IMMP2L: variants seen among roughly 807,000 people sequenced by gnomAD.
IMMP2L encodes inner mitochondrial membrane peptidase subunit 2.
A neutral mutation model predicts 19.3 loss-of-function variants in IMMP2L; 18 were observed. The observed-to-expected ratio is 0.93, with a 90% CI of 0.64 to 1.38. The LOEUF is 1.38. IMMP2L is among the 40% of genes most tolerant of loss of function. The pLI is 0.00. For missense variants in IMMP2L, 233 were observed against 218.2 expected (o/e 1.07, Z -0.43); for synonymous variants, 76 against 73.0 (o/e 1.04, Z -0.21).
In IMMP2L at chr7:110,972,949, T is replaced by C. The variant is rs569535191; in HGVS notation, c.240-9384A>G. On this transcript the variant is annotated intron_variant, in intron 3 of 5. Transcript: ENST00000405709. ...CTTCCTATGTTTGTCCTTTCCCTTA[T>C]TAGGTTAGCCTGAAAAACTTCTATT... Among the ~76,000 whole-genome samples the C allele has an allele frequency of 1.7e-4, 26 of 152,202 alleles. No homozygotes were observed. In the South Asian group the frequency reaches 3.7e-3, roughly 22 times the overall value.
intron 3 of IMMP2L, among the ~76,000 whole-genome samples, chr7:111,146,891 C>T (rs182938412): frequency 1.3e-5 from 2 of 152,064 alleles, no homozygotes; most frequent in African/African-American, 4.8e-5. Flanking sequence ...TATCCTCCAT[C>T]TCCTAACATT....
At chr7:111,552,739 G>A (rs1790821754) in intron 1 of IMMP2L, among the ~76,000 whole-genome samples, 1 of 152,144 alleles carries the variant, frequency 6.6e-6, no homozygotes, top group Non-Finnish European at 1.5e-5. Flanking sequence ...CTTGCCTCAT[G>A]TCCTTGTGTA....
At chr7:111,453,208 A>T (rs1839379291) in intron 3 of IMMP2L, among the ~76,000 whole-genome samples, 1 of 152,120 alleles carries the variant, frequency 6.6e-6, no homozygotes, top group Non-Finnish European at 1.5e-5. Flanking sequence ...TTCGTAGCTG[A>T]CCTCATTTTT....
chr7:110,977,810 A>G (rs965312509), intron 3 of IMMP2L, among the ~76,000 whole-genome samples: 1 of 151,914 alleles, frequency 6.6e-6, no homozygotes, highest in Admixed American at 6.6e-5. Context: ...AAGATAGTAC[A>G]GATAGATTAA....
At chr7:110,805,556 A>G (rs1666730292) in intron 5 of IMMP2L, among the ~76,000 whole-genome samples, 1 of 152,078 alleles carries the variant, frequency 6.6e-6, no homozygotes, top group Admixed American at 6.6e-5. Context: ...CATTTTTTAA[A>G]ATAACATTAA....
chr7:110,827,411 C>G (rs998565301), intron 5 of IMMP2L, among the ~76,000 whole-genome samples: 1 of 152,134 alleles, frequency 6.6e-6, no homozygotes, highest in Non-Finnish European at 1.5e-5. Flanking sequence ...TTGCTTTGCC[C>G]TCTGGGATTA....
intron 5 of IMMP2L, among the ~76,000 whole-genome samples, chr7:110,670,630 C>T (rs1457417081): frequency 6.8e-6 from 1 of 147,900 alleles, no homozygotes; most frequent in African/African-American, 2.5e-5. Flanking sequence ...TCAGAGGTTG[C>T]AGTGAGCTGA....
chr7:110,873,696 C>T (rs1223335918), intron 5 of IMMP2L, among the ~76,000 whole-genome samples: 1 of 150,908 alleles, frequency 6.6e-6, no homozygotes, highest in African/African-American at 2.4e-5. Context: ...ATCCCTTGAA[C>T]CCAGGAGGCG....
At chr7:110,953,563 T>A (rs1278670620) in intron 4 of IMMP2L, among the ~76,000 whole-genome samples, 1 of 152,148 alleles carries the variant, frequency 6.6e-6, no homozygotes. Context: ...TAATTCAGTC[T>A]ATCATTGATG....
At chr7:110,907,432 A>G (rs566430453) in intron 4 of IMMP2L, among the ~76,000 whole-genome samples, 10 of 152,268 alleles carry the variant, frequency 6.6e-5, no homozygotes, top group African/African-American at 2.4e-4. Context: ...GTCAAACTGT[A>G]GTCTCCAACA....
At chr7:111,446,406 C>G (rs1838422835) in intron 3 of IMMP2L, among the ~76,000 whole-genome samples, 1 of 148,428 alleles carries the variant, frequency 6.7e-6, no homozygotes, top group East Asian at 1.9e-4. Context: ...ACCCCTGACC[C>G]CCGAGCAGCC....
intron 3 of IMMP2L, among the ~76,000 whole-genome samples, chr7:111,403,166 G>A (rs1375687858): frequency 6.6e-6 from 1 of 152,006 alleles, no homozygotes; most frequent in African/African-American, 2.4e-5. Context: ...GGTGGGAGGT[G>A]ACTGTATCAC....
At chr7:111,012,925 G>T (rs1040288955) in intron 3 of IMMP2L, among the ~76,000 whole-genome samples, 5 of 152,082 alleles carry the variant, frequency 3.3e-5, no homozygotes, top group African/African-American at 1.2e-4. Flanking sequence ...AAGAGGAAGG[G>T]CTTCCATATA....
chr7:110,752,861 T>C (rs535522958), intron 5 of IMMP2L, among the ~76,000 whole-genome samples: 49 of 152,070 alleles, frequency 3.2e-4, no homozygotes, highest in Non-Finnish European at 5.9e-4. Context: ...TTATTGAATA[T>C]TACAGCTGGA....
chr7:110,926,640 C>T (rs2129551145), intron 4 of IMMP2L, among the ~76,000 whole-genome samples: 1 of 152,094 alleles, frequency 6.6e-6, no homozygotes, highest in East Asian at 1.9e-4. Context: ...TGCTTATATT[C>T]TTTTTAGTCC....
At chr7:110,821,061 CTAACTCATTTAACTCTTCCCAAGAGG>C (rs1399865719) in intron 5 of IMMP2L, among the ~76,000 whole-genome samples, 184 of 152,048 alleles carry the variant, frequency 1.2e-3, no homozygotes, top group Non-Finnish European at 1.8e-3. Context: ...TTTATATACA[CTAACTCATTTAACTCTTCCCAAGAGG>C]TAACTCATTT....
chr7:110,717,497 A>G (rs996688344), intron 5 of IMMP2L, among the ~76,000 whole-genome samples: 7 of 152,086 alleles, frequency 4.6e-5, no homozygotes, highest in African/African-American at 1.7e-4. Flanking sequence ...AAACAAAAAC[A>G]ACTCAAAGTG....
At chr7:111,148,490 A>G (rs1299756573) in intron 3 of IMMP2L, among the ~76,000 whole-genome samples, 12 of 152,118 alleles carry the variant, frequency 7.9e-5, no homozygotes, top group Non-Finnish European at 1.8e-4. Flanking sequence ...AATTACGTAC[A>G]TTAAAAGTGT....
At chr7:111,065,536 G>C (rs986654886) in intron 3 of IMMP2L, among the ~76,000 whole-genome samples, 1 of 152,136 alleles carries the variant, frequency 6.6e-6, no homozygotes, top group Non-Finnish European at 1.5e-5. Context: ...TTAACATTTG[G>C]GTCAGTGGGC....
Sources: gnomAD v4.1 joint callset for allele counts (sites outside exome capture counted in the v4.1 genomes callset) on GRCh38, gnomAD v4.1.1 for gene constraint, MANE v1.5 for transcripts, NCBI Gene and HGNC (gene_info 2026-07-23, HGNC 2026-07-21) for gene names.